The following IFT56 variants were observed in gnomAD, a reference collection of about 807,000 sequenced individuals.
The protein encoded by IFT56 is intraflagellar transport protein 56.
At chr7:139,170,964 C>CA in the IFT56 span, among the ~76,000 whole-genome samples, 1 of 152,038 alleles carries the variant, frequency 6.6e-6, no homozygotes, top group Admixed American at 6.6e-5. Flanking sequence ...AAAACTCCAC[C>CA]AAAAAACTAT....
At chr7:139,136,964 G>C in the IFT56 span, among the ~76,000 whole-genome samples, 1 of 152,334 alleles carries the variant, frequency 6.6e-6, no homozygotes, top group East Asian at 1.9e-4. Context: ...CATTTGGTAT[G>C]AGGAGGATTT....
the IFT56 span, chr7:139,178,083 T>C: frequency 5.9e-6 from 4 of 682,678 alleles, no homozygotes; most frequent in Non-Finnish European, 1.0e-5. Context: ...GAAGAAAATG[T>C]ATAATGTCAG....
chr7:139,150,555 G>T, the IFT56 span, among the ~76,000 whole-genome samples: 1 of 152,078 alleles, frequency 6.6e-6, no homozygotes, highest in Non-Finnish European at 1.5e-5. Context: ...TTTATATATT[G>T]ATTTTATAAT....
At chr7:139,146,742 G>A in the IFT56 span, among the ~76,000 whole-genome samples, 2 of 149,686 alleles carry the variant, frequency 1.3e-5, no homozygotes, top group Non-Finnish European at 3.0e-5. Flanking sequence ...ACTCCAGCCT[G>A]GGGGACAGGG....
the IFT56 span, among the ~76,000 whole-genome samples, chr7:139,134,354 C>T: frequency 6.6e-6 from 1 of 151,674 alleles, no homozygotes; most frequent in African/African-American, 2.4e-5. Flanking sequence ...TCACTGCAAC[C>T]TCTGCCTCTA....
chr7:139,146,849 A>G, the IFT56 span: 1 of 462,300 alleles, frequency 2.2e-6, no homozygotes, highest in Non-Finnish European at 3.7e-6. Flanking sequence ...CAGAAAAAGA[A>G]AAGGAAAGGG....
the IFT56 span, among the ~76,000 whole-genome samples, chr7:139,142,714 C>T: frequency 6.6e-6 from 1 of 152,166 alleles, no homozygotes; most frequent in Non-Finnish European, 1.5e-5. Flanking sequence ...CCCCTTTAAT[C>T]CCAGCTACTG....
chr7:139,177,313 A>G, the IFT56 span, among the ~76,000 whole-genome samples: 1 of 151,676 alleles, frequency 6.6e-6, no homozygotes, highest in South Asian at 2.1e-4. Flanking sequence ...TTTGCCTGAT[A>G]TCAGATTCCT....
chr7:139,154,353 CT>C, the IFT56 span, among the ~76,000 whole-genome samples: 2,771 of 131,580 alleles, frequency 0.021, 56 homozygotes, highest in African/African-American at 0.06. Flanking sequence ...CAAAGTTATC[CT>C]TTTTTTTTTT....
chr7:139,187,640 A>C, the IFT56 span: 1 of 1,416,150 alleles, frequency 7.1e-7, no homozygotes, highest in East Asian at 2.3e-5. Context: ...ACATGATTAT[A>C]ATGATGTTTT....
At chr7:139,149,751 C>A in the IFT56 span, among the ~76,000 whole-genome samples, 1 of 151,994 alleles carries the variant, frequency 6.6e-6, no homozygotes, top group African/African-American at 2.4e-5. Flanking sequence ...TGGTTAGAGG[C>A]TATTGTAGTT....
At chr7:139,163,965 G>T in the IFT56 span, among the ~76,000 whole-genome samples, 2 of 152,186 alleles carry the variant, frequency 1.3e-5, no homozygotes, top group Admixed American at 1.3e-4. Context: ...CAGACACTAT[G>T]CTAGGCTCTA....
At chr7:139,160,276 A>T in the IFT56 span, among the ~76,000 whole-genome samples, 1 of 152,190 alleles carries the variant, frequency 6.6e-6, no homozygotes, top group Non-Finnish European at 1.5e-5. Context: ...GGATTTATTA[A>T]CATCTCCTTT....
chr7:139,138,001 A>C, the IFT56 span: 2 of 969,102 alleles, frequency 2.1e-6, no homozygotes, highest in Non-Finnish European at 3.2e-6. Context: ...TAAACTTTAT[A>C]TTATAATAAT....
chr7:139,152,549 A>G, the IFT56 span, among the ~76,000 whole-genome samples: 1 of 152,260 alleles, frequency 6.6e-6, no homozygotes, highest in Non-Finnish European at 1.5e-5. Context: ...ATTAGAAAAG[A>G]CAAAACCCTA....
the IFT56 span, chr7:139,173,807 G>A: frequency 1.4e-6 from 1 of 736,816 alleles, no homozygotes; most frequent in Non-Finnish European, 2.5e-6. Flanking sequence ...TCCTGTTAAT[G>A]TAATAACAAT....
At chr7:139,142,601 G>C in the IFT56 span, among the ~76,000 whole-genome samples, 1 of 152,140 alleles carries the variant, frequency 6.6e-6, no homozygotes, top group Non-Finnish European at 1.5e-5. Context: ...AGGCTGAAGC[G>C]GGCGGATCAT....
chr7:139,138,979 T>A, the IFT56 span, among the ~76,000 whole-genome samples: 1 of 151,916 alleles, frequency 6.6e-6, no homozygotes, highest in Non-Finnish European at 1.5e-5. Flanking sequence ...CCCGGCTAAT[T>A]TTTTTGTGTG....
the IFT56 span, among the ~76,000 whole-genome samples, chr7:139,163,690 G>A: frequency 6.6e-6 from 1 of 152,234 alleles, no homozygotes; most frequent in African/African-American, 2.4e-5. Flanking sequence ...CCCCTTGTGT[G>A]TGTTTAAAGT....
Sources: allele counts gnomAD v4.1 joint callset (sites outside exome capture counted in the v4.1 genomes callset), GRCh38; gene constraint gnomAD v4.1.1; transcripts MANE v1.5; gene names NCBI Gene and HGNC (gene_info 2026-07-23, HGNC 2026-07-21).